The following LRP2 variants were observed in gnomAD, a reference collection of about 807,000 sequenced individuals.
The protein encoded by LRP2 is low-density lipoprotein receptor-related protein 2.
In LRP2, 172 loss-of-function variants were observed where a neutral mutation model predicts 531.0. The ratio of observed to expected loss-of-function variants is 0.32; its 90% CI spans 0.29 to 0.37. The LOEUF (loss-of-function observed/expected upper bound fraction) is 0.37, where lower values mean the gene tolerates loss of function less well. Among genes scored for constraint, LRP2 ranks in the 10% least tolerant of loss-of-function variants. The probability of loss-of-function intolerance (pLI) is 1.00; values close to 1 mark genes in which losing one functional copy is unlikely to be tolerated. For missense variants in LRP2, 5,167 were observed against 5,868.3 expected, an observed-to-expected ratio of 0.88 and a Z score of 3.90; for synonymous variants, 1,992 against 2,027.6, an observed-to-expected ratio of 0.98 and a Z score of 0.47.
intron 1 of LRP2, among the ~76,000 whole-genome samples, chr2:169,347,372 G>A (rs1685721785): frequency 6.6e-6 from 1 of 152,152 alleles, no homozygotes; most frequent in African/African-American, 2.4e-5. Flanking sequence ...CAACAGCAGT[G>A]TTCTCCGGGA....
intron 6 of LRP2, among the ~76,000 whole-genome samples, chr2:169,292,982 A>G (rs954710970): frequency 6.6e-5 from 10 of 152,222 alleles, no homozygotes; most frequent in African/African-American, 2.4e-4. Context: ...CTAATCTATG[A>G]CCAAATGATT....
At chr2:169,353,127 G>T (rs1318936859) in intron 1 of LRP2, among the ~76,000 whole-genome samples, 1 of 152,254 alleles carries the variant, frequency 6.6e-6, no homozygotes. Flanking sequence ...ACTTTTTTAA[G>T]TTCCTCAGGT....
chr2:169,146,035 T>C, intron 69 of LRP2, 112 bp from the exon 70 acceptor site: 4 of 958,906 alleles, frequency 4.2e-6, no homozygotes, highest in African/African-American at 3.2e-5. Context: ...TATTCCCTCA[T>C]ACAATGCCTT....
chr2:169,282,745 C>G (rs1176157082), intron 10 of LRP2, 128 bp downstream of exon 10: 4 of 1,045,946 alleles, frequency 3.8e-6, no homozygotes, highest in African/African-American at 1.6e-5. Context: ...GGAGCCATCC[C>G]TGATTTGTAA....
Position 169,289,087 on chromosome 2 carries a change from T to A in LRP2, c.981A>T (p.Gly327=). ...AACCTGGGGGACAAAAACACGCTCC[T>A]CCATACGGCGTCTCATGGCACTGGT... ...CQYQCHETPY[G]GACFCPPGYI... Residue 327 remains glycine, a synonymous_variant, in exon 9 of 79, where the codon GGA becomes GGT. Transcript: ENST00000649046. The A allele has an allele frequency of 6.2e-7, 1 of 1,614,090 alleles. No homozygotes were observed. The highest frequency in any genetic ancestry group is 1.3e-5 in the African/African-American group (1 of 75,022).
chr2:169,346,126 C>A (rs985306348), intron 1 of LRP2, among the ~76,000 whole-genome samples: 2 of 152,178 alleles, frequency 1.3e-5, no homozygotes, highest in South Asian at 2.1e-4. Flanking sequence ...CAATCAGCAA[C>A]AACTATTAAA....
intron 9 of LRP2, among the ~76,000 whole-genome samples, chr2:169,287,867 T>C (rs1683901349): frequency 2.0e-5 from 3 of 148,660 alleles, no homozygotes. Flanking sequence ...ATTAAAATTT[T>C]AATATTTTAA....
chr2:169,284,280 T>TTTTTTTTTA, intron 9 of LRP2, among the ~76,000 whole-genome samples: 1 of 142,096 alleles, frequency 7.0e-6, no homozygotes, highest in Non-Finnish European at 1.5e-5. Flanking sequence ...TTTTTTTTTT[T>TTTTTTTTTA]TTGAGATGGA....
At chr2:169,234,912 GTTTT>G (rs35329615) in intron 29 of LRP2, among the ~76,000 whole-genome samples, 3 of 144,990 alleles carry the variant, frequency 2.1e-5, no homozygotes, top group Admixed American at 6.9e-5. Flanking sequence ...GTTAATTTTT[GTTTT>G]TTTTTTTTTT....
chr2:169,355,095 T>C (rs1685954713), intron 1 of LRP2, among the ~76,000 whole-genome samples: 1 of 152,238 alleles, frequency 6.6e-6, no homozygotes, highest in Admixed American at 6.5e-5. Flanking sequence ...AGAACTTTCC[T>C]GTCTATCACA....
At chr2:169,192,137 G>A in intron 47 of LRP2, 104 bp from the exon 48 acceptor site, 2 of 757,158 alleles carry the variant, frequency 2.6e-6, no homozygotes, top group Non-Finnish European at 2.1e-6. Context: ...AAAGGAAATG[G>A]GAGGAAAACA....
intron 76 of LRP2, among the ~76,000 whole-genome samples, chr2:169,132,972 C>T (rs1487827602): frequency 1.3e-5 from 2 of 152,162 alleles, no homozygotes; most frequent in African/African-American, 2.4e-5. Flanking sequence ...ACTGTATTCT[C>T]TATACCTTCT....
intron 53 of LRP2, among the ~76,000 whole-genome samples, chr2:169,176,860 T>C (rs1687214393): frequency 6.6e-6 from 1 of 152,216 alleles, no homozygotes; most frequent in African/African-American, 2.4e-5. Flanking sequence ...TTTCTCCAAG[T>C]CCTGGGAAAG....
chr2:169,172,060 C>T lies in LRP2; in HGVS notation c.11218G>A (p.Asp3740Asn). The T allele has an allele frequency of 6.2e-7, 1 of 1,614,226 alleles. No homozygotes were observed. The highest frequency in any genetic ancestry group is 8.5e-7 in the Non-Finnish European group (1 of 1,180,040). ...TTATCTCCACAGTCATTTTGCCCAT[C>T]ACACTGCCAACGAAGAGGGATGCAG... ...HHCIPLRWQC[D>N]GQNDCGDNSD... Residue 3740 changes from aspartate (D) to asparagine (N), a missense_variant, in exon 58 of 79, where the codon GAT becomes AAT. Asp to Asn is a conservative substitution (Grantham distance 23, BLOSUM62 1). This residue lies in a region of LRP2 where 311 missense variants were observed against 309.4 expected (regional missense o/e 1.01). Coordinates refer to ENST00000649046, the MANE Select transcript of LRP2 (RefSeq NM_004525.3).
chr2:169,179,474 A>C (rs1215876817), intron 52 of LRP2, among the ~76,000 whole-genome samples: 1 of 152,134 alleles, frequency 6.6e-6, no homozygotes, highest in Non-Finnish European at 1.5e-5. Context: ...TAATCCCAAC[A>C]CTTAGGGAGG....
chr2:169,345,529 G>A (rs994165437), intron 1 of LRP2, among the ~76,000 whole-genome samples: 1 of 152,086 alleles, frequency 6.6e-6, no homozygotes, highest in African/African-American at 2.4e-5. Flanking sequence ...GTAGCACAAG[G>A]GAGTTAGTGG....
At chr2:169,213,952 T>C in intron 35 of LRP2, 82 bp from the exon 36 acceptor site, 1 of 925,038 alleles carries the variant, frequency 1.1e-6, no homozygotes, top group Non-Finnish European at 1.8e-6. Flanking sequence ...CTCCTAATTA[T>C]AATGTCTCAC....
chr2:169,232,595 T>C (rs1167980609), intron 30 of LRP2, among the ~76,000 whole-genome samples: 1 of 152,088 alleles, frequency 6.6e-6, no homozygotes, highest in Admixed American at 6.6e-5. Flanking sequence ...AAAAGAATTA[T>C]GAGGGGGTGG....
At chr2:169,150,762 C>T in intron 68 of LRP2, 136 bp downstream of exon 68, 1 of 930,726 alleles carries the variant, frequency 1.1e-6, no homozygotes, top group Non-Finnish European at 1.7e-6. Flanking sequence ...ATTCTTGAAA[C>T]AGTCATAGAC....
Sources: gnomAD v4.1 joint callset for allele counts (sites outside exome capture counted in the v4.1 genomes callset) on GRCh38, gnomAD v4.1.1 for gene constraint, gnomAD v4.1.1 regional missense constraint, MANE v1.5 for transcripts, NCBI Gene and HGNC (gene_info 2026-07-23, HGNC 2026-07-21) for gene names.